Variants in MMP26 observed in about 807,000 individuals in gnomAD.
The protein encoded by MMP26 is matrix metalloproteinase-26.
Under a neutral mutation model 31.0 loss-of-function variants are expected in MMP26, and 33 were observed. The ratio of observed to expected loss-of-function variants is 1.06; its 90% CI spans 0.81 to 1.42. The LOEUF is 1.42. Ranked by LOEUF, MMP26 falls within the 40% of genes most tolerant of loss-of-function variation. The pLI, the probability that MMP26 is intolerant of heterozygous loss-of-function variation, is 0.00. For synonymous variants in MMP26, 122 were observed against 114.9 expected (o/e 1.06, Z -0.40); for missense variants, 347 against 316.1 (o/e 1.10, Z -0.74).
chr11:4,917,348 T>C (rs1851112084), intron 2 of MMP26, among the ~76,000 whole-genome samples: 2 of 152,166 alleles, frequency 1.3e-5, no homozygotes, highest in Admixed American at 6.5e-5. Flanking sequence ...TGAACGAATA[T>C]TTGATTTTTC....
chr11:4,806,525 T>C (rs567073973), intron 2 of MMP26, among the ~76,000 whole-genome samples: 4 of 152,304 alleles, frequency 2.6e-5, no homozygotes, highest in Admixed American at 2.0e-4. Flanking sequence ...GTCTGTTTTA[T>C]CAGAGACTAG....
chr11:4,723,350 C>T (rs1461005329), intron 1 of MMP26: 3 of 970,462 alleles, frequency 3.1e-6, no homozygotes, highest in Non-Finnish European at 5.0e-6. Flanking sequence ...TGCATGCTCT[C>T]AGCCTCCGCC....
chr11:4,751,977 A>G (rs1848452187), intron 1 of MMP26: 2 of 152,164 alleles, frequency 1.3e-5, no homozygotes, highest in Non-Finnish European at 2.9e-5. Flanking sequence ...TATAATTCCA[A>G]TTTGTGGTAA....
intron 1 of MMP26, among the ~76,000 whole-genome samples, chr11:4,726,250 A>G (rs1848098077): frequency 6.6e-6 from 1 of 151,872 alleles, no homozygotes; most frequent in African/African-American, 2.4e-5. Flanking sequence ...ACCGAGGAGA[A>G]TGGATCACTT....
chr11:4,706,589 AAAAAAAAAAAGAC>A (rs1377026634), intron 1 of MMP26, among the ~76,000 whole-genome samples: 8,975 of 149,928 alleles, frequency 0.06, 949 homozygotes, highest in African/African-American at 0.21. Flanking sequence ...AAAAAAAAAA[AAAAAAAAAAAGAC>A]AGAAAGAAAG....
chr11:4,917,189 C>T (rs1471650080), intron 2 of MMP26, among the ~76,000 whole-genome samples: 1 of 152,022 alleles, frequency 6.6e-6, no homozygotes, highest in Non-Finnish European at 1.5e-5. Flanking sequence ...ATTTCGCTAA[C>T]TAATAGTAAC....
At chr11:4,746,751 T>C (rs919833242) in intron 1 of MMP26, among the ~76,000 whole-genome samples, 1 of 151,588 alleles carries the variant, frequency 6.6e-6, no homozygotes, top group African/African-American at 2.4e-5. Context: ...GGAGAATCAC[T>C]TGAACCAGAG....
chr11:4,768,835 C>A (rs886448055), intron 2 of MMP26: 14 of 473,790 alleles, frequency 3.0e-5, no homozygotes, highest in Non-Finnish European at 4.8e-5. Flanking sequence ...ATTTTATGAC[C>A]AAATATACAA....
rs536231844 is a variant in MMP26, at chr11:4,800,480, AT to A, written c.-145+33146del. 1.8e-3 allele frequency among the ~76,000 whole-genome samples: 281 copies of A among 151,894 alleles called. 2 individuals carry two copies. The highest frequency in any genetic ancestry group is 6.4e-3 in the African/African-American group (263 of 41,412). On this transcript the variant is annotated intron_variant, in intron 2 of 7. Transcript: ENST00000380390. ...GTCCCTAGGCCTGGCCCCCAAAACC[AT>A]TTTTTTCTTCCTGGGCCTCTAGGCC...
At chr11:4,801,238 T>A (rs897176110) in intron 2 of MMP26, among the ~76,000 whole-genome samples, 2 of 152,216 alleles carry the variant, frequency 1.3e-5, no homozygotes, top group Non-Finnish European at 2.9e-5. Flanking sequence ...TTTTCAGGTG[T>A]CTTTACAGCA....
intron 1 of MMP26, among the ~76,000 whole-genome samples, chr11:4,705,987 T>TG (rs1485223100): frequency 4.0e-4 from 28 of 70,086 alleles, no homozygotes; most frequent in African/African-American, 1.8e-3. Flanking sequence ...GTGGTGGTGG[T>TG]GGTGGGGGGA....
At chr11:4,768,452 C>G (rs1848659822) in intron 2 of MMP26, among the ~76,000 whole-genome samples, 1 of 152,176 alleles carries the variant, frequency 6.6e-6, no homozygotes, top group Admixed American at 6.5e-5. Context: ...CCAGGTCTTA[C>G]TTTTGATCTT....
chr11:4,798,379 CT>C (rs1849136478), intron 2 of MMP26, among the ~76,000 whole-genome samples: 1 of 152,236 alleles, frequency 6.6e-6, no homozygotes, highest in South Asian at 2.1e-4. Flanking sequence ...CCTCACCCAC[CT>C]TCAGCCTTCG....
chr11:4,958,416 AAG>A (rs1846473524), intron 2 of MMP26, among the ~76,000 whole-genome samples: 1 of 152,132 alleles, frequency 6.6e-6, no homozygotes, highest in South Asian at 2.1e-4. Flanking sequence ...CATATGATGC[AAG>A]AGTCTTATTT....
At chr11:4,797,804 T>G (rs1849127562) in intron 2 of MMP26, among the ~76,000 whole-genome samples, 1 of 152,224 alleles carries the variant, frequency 6.6e-6, no homozygotes, top group South Asian at 2.1e-4. Flanking sequence ...ATTATACATC[T>G]CCTTTAAAGT....
chr11:4,867,685 A>T (rs541790018), intron 2 of MMP26, among the ~76,000 whole-genome samples: 1 of 152,138 alleles, frequency 6.6e-6, no homozygotes, highest in East Asian at 1.9e-4. Flanking sequence ...CACCATGTGC[A>T]GCTGAGATGC....
chr11:4,977,625 C>T (rs1163075837), intron 2 of MMP26, among the ~76,000 whole-genome samples: 1 of 152,100 alleles, frequency 6.6e-6, no homozygotes, highest in Non-Finnish European at 1.5e-5. Flanking sequence ...TCAACCGTTG[C>T]ACACTTTCAC....
In MMP26 at chr11:4,717,292, T is replaced by C. The variant is rs577045953; in HGVS notation, c.-217+12247T>C. ...TTGACTTGGCTCTGTATCTCAACAG[T>C]CTGGATTGCGGCTTGCACTCAGTAA... On this transcript the variant is annotated intron_variant, in intron 1 of 7. Transcript: ENST00000380390. Among the ~76,000 whole-genome samples the C allele has an allele frequency of 2.6e-5, 4 of 152,298 alleles. No individual in the cohort carries two copies. The East Asian group carries it at 5.8e-4, about 22-fold the overall frequency.
intron 2 of MMP26, among the ~76,000 whole-genome samples, chr11:4,793,525 A>G (rs1849060747): frequency 6.6e-6 from 1 of 152,204 alleles, no homozygotes; most frequent in East Asian, 1.9e-4. Flanking sequence ...TCTGTGTGGA[A>G]TCATGATAAA....
Sources: gnomAD v4.1 joint callset for allele counts (sites outside exome capture counted in the v4.1 genomes callset) on GRCh38, gnomAD v4.1.1 for gene constraint, MANE v1.5 for transcripts, NCBI Gene and HGNC (gene_info 2026-07-23, HGNC 2026-07-21) for gene names.